Variants in THTPA observed in about 807,000 individuals in gnomAD.
THTPA encodes the protein thiamine-triphosphatase.
A neutral mutation model predicts 16.5 loss-of-function variants in THTPA; 16 were observed. The ratio of observed to expected loss-of-function variants is 0.97; its 90% confidence interval spans 0.66 to 1.47. THTPA has a LOEUF of 1.47. Among genes scored for constraint, THTPA ranks in the 40% most tolerant of loss-of-function variants. THTPA has a pLI of 0.00. For synonymous variants in THTPA, 110 were observed against 115.5 expected (o/e 0.95, Z 0.30); for missense variants, 281 against 280.9 (o/e 1.00, Z 0.00).
the THTPA span, among the ~76,000 whole-genome samples, chr14:23,538,942 C>T: frequency 1.3e-5 from 2 of 152,168 alleles, no homozygotes; most frequent in South Asian, 2.1e-4. Context: ...ACATTAGAGG[C>T]GACAGAGAGA....
chr14:23,517,687 G>C, the THTPA span, among the ~76,000 whole-genome samples: 1 of 152,044 alleles, frequency 6.6e-6, no homozygotes, highest in Admixed American at 6.6e-5. Context: ...CTCCCCATCG[G>C]GTGTGTGTGT....
chr14:23,515,597 C>T, the THTPA span, among the ~76,000 whole-genome samples: 2 of 152,182 alleles, frequency 1.3e-5, no homozygotes, highest in African/African-American at 4.8e-5. Context: ...CTTGAGCCCC[C>T]ATCTGAAAGA....
At chr14:23,529,841 G>A in the THTPA span, 1 of 1,454,386 alleles carries the variant, frequency 6.9e-7, no homozygotes, top group African/African-American at 1.4e-5. Flanking sequence ...GAGCTTCCAG[G>A]GTAGGGAGTT....
chr14:23,558,764 A>C lies in THTPA; in HGVS notation c.617A>C (p.Tyr206Ser), dbSNP rs550914750. Reference protein sequence around the residue: ...VYLQRFRPQDYQRLLEVNSSR... With the variant: ...VYLQRFRPQDSQRLLEVNSSR... Reference sequence around the variant, plus strand: ...CTACAGCGTTTCCGGCCTCAAGACTATCAGCGCCTGCTAGAAGTGAACAGC... The same window carrying C: ...CTACAGCGTTTCCGGCCTCAAGACTCTCAGCGCCTGCTAGAAGTGAACAGC... Residue 206 changes from tyrosine to serine, a missense_variant, in exon 2 of 2, where the codon TAT becomes TCT. Coordinates refer to ENST00000288014, the MANE Select transcript of THTPA (RefSeq NM_024328.6). The C allele has an allele frequency of 6.2e-7, 1 of 1,614,238 alleles. No individual in the cohort carries two copies.
chr14:23,529,802 T>C, the THTPA span: 1 of 1,529,474 alleles, frequency 6.5e-7, no homozygotes, highest in Non-Finnish European at 8.8e-7. Context: ...TAAGGAACCC[T>C]GACAGCCCTC....
At chr14:23,527,685 C>G in the THTPA span, 1 of 1,536,274 alleles carries the variant, frequency 6.5e-7, no homozygotes. Flanking sequence ...GCCGGCCCAC[C>G]AGCTGTTCCT....
the THTPA span, chr14:23,523,516 T>G: frequency 3.9e-6 from 6 of 1,536,300 alleles, no homozygotes; most frequent in Non-Finnish European, 5.2e-6. This position sits in a 1 kb window ranked among gnomAD's most constrained non-coding sequence, Gnocchi z 4.1. Flanking sequence ...TGCGCTGGGC[T>G]GCTAAGAGGC....
At chr14:23,526,816 A>G in the THTPA span, 1 of 1,523,182 alleles carries the variant, frequency 6.6e-7, no homozygotes, top group Non-Finnish European at 8.8e-7. Context: ...CTTTCCTGGT[A>G]CCTTGGGAGG....
At chr14:23,551,956 C>T (rs898502498), upstream of THTPA, among the ~76,000 whole-genome samples, 2 of 152,216 alleles carry the variant, frequency 1.3e-5, no homozygotes, top group Non-Finnish European at 2.9e-5. The surrounding 1 kb of genome is among the most constrained non-coding windows in gnomAD (Gnocchi z 5.3). Context: ...AGGGCAGGCC[C>T]CTTTAAACTC....
At chr14:23,530,837 CG>C in the THTPA span, 1 of 232,660 alleles carries the variant, frequency 4.3e-6, no homozygotes, top group South Asian at 5.5e-5. Flanking sequence ...CCCATGCCCT[CG>C]CCCTTGCCCA....
chr14:23,513,846 G>A, the THTPA span: 1 of 152,560 alleles, frequency 6.6e-6, no homozygotes, highest in African/African-American at 2.4e-5. Context: ...GCTCAGCTCT[G>A]AAAAATGGTT....
chr14:23,527,065 C>T, the THTPA span: 259 of 1,396,782 alleles, frequency 1.9e-4, no homozygotes, highest in Non-Finnish European at 2.3e-4. Flanking sequence ...GTACTTGTGC[C>T]GAGATCCCTT....
the THTPA span, chr14:23,521,010 T>C: frequency 1.3e-5 from 2 of 152,146 alleles, no homozygotes; most frequent in African/African-American, 4.8e-5. Flanking sequence ...CAGTTTTTTT[T>C]TTTGAAAGAA....
At chr14:23,530,096 G>C in the THTPA span, 12 of 1,527,812 alleles carry the variant, frequency 7.9e-6, no homozygotes, top group African/African-American at 5.5e-5. Flanking sequence ...TAGGAGGACT[G>C]GGGGGAAGGG....
chr14:23,524,174 C>A, the THTPA span: 3 of 1,535,972 alleles, frequency 2.0e-6, no homozygotes, highest in Admixed American at 2.0e-5. The surrounding 1 kb of genome is among the most constrained non-coding windows in gnomAD (Gnocchi z 5.6). Flanking sequence ...ACTAGGCACC[C>A]CCCCAGGGGT....
chr14:23,526,896 T>A, the THTPA span: 1 of 1,534,280 alleles, frequency 6.5e-7, no homozygotes, highest in Non-Finnish European at 8.7e-7. Flanking sequence ...GAGTGGGGGG[T>A]TCTTGGCCAT....
chr14:23,547,886 C>T, the THTPA span, among the ~76,000 whole-genome samples: 1 of 152,226 alleles, frequency 6.6e-6, no homozygotes, highest in Non-Finnish European at 1.5e-5. Flanking sequence ...AGCCACTCCT[C>T]AGATGACCAT....
chr14:23,531,316 A>G, the THTPA span: 1 of 1,066,008 alleles, frequency 9.4e-7, no homozygotes. Context: ...ACAGTGCCTG[A>G]CACGCTCATT....
chr14:23,545,469 C>T, the THTPA span, among the ~76,000 whole-genome samples: 1 of 152,320 alleles, frequency 6.6e-6, no homozygotes, highest in Admixed American at 6.5e-5. Flanking sequence ...TCTCTCTGTG[C>T]TCTCTCCCAT....
Sources: allele counts gnomAD v4.1 joint callset (sites outside exome capture counted in the v4.1 genomes callset), GRCh38; gene constraint gnomAD v4.1.1; non-coding constraint Gnocchi (gnomAD v3.1); transcripts MANE v1.5; gene names NCBI Gene and HGNC (gene_info 2026-07-23, HGNC 2026-07-21).